The following GAL variants were observed in gnomAD, a reference collection of about 807,000 sequenced individuals.
The protein encoded by GAL is galanin peptides.
In GAL, 14 loss-of-function variants were observed where a neutral mutation model predicts 15.8. The observed-to-expected ratio is 0.89, with a 90% CI of 0.59 to 1.39. The LOEUF (loss-of-function observed/expected upper bound fraction) is 1.39, where lower values mean the gene tolerates loss of function less well. Among genes scored for constraint, GAL ranks in the 40% most tolerant of loss-of-function variants. The pLI, the probability that GAL is intolerant of heterozygous loss-of-function variation, is 0.00. For missense variants in GAL, 176 were observed against 170.4 expected (o/e 1.03, Z -0.18); for synonymous variants, 79 against 73.8 (o/e 1.07, Z -0.36).
chr11:68,685,653 G>T lies in GAL; in HGVS notation c.136+5G>T. 1 of 1,607,710 alleles carries T rather than the reference G, an allele frequency of 6.2e-7. No homozygotes were observed. Among genetic ancestry groups the T allele is most frequent in the Non-Finnish European group, 8.5e-7 (1 of 1,174,292 alleles). On this transcript the variant is annotated splice_donor_5th_base_variant and intron_variant, in intron 3 of 5. Coordinates refer to ENST00000265643, the MANE Select transcript of GAL (RefSeq NM_015973.5). ...CGGGCTACCTGCTGGGCCCACGTAAGTGACTGACAGCATGGCCTCCCCACT... is the reference window on the plus strand; with the variant it reads ...CGGGCTACCTGCTGGGCCCACGTAATTGACTGACAGCATGGCCTCCCCACT...
rs544499214 is a variant in GAL, at chr11:68,690,644, T to G, written c.302-273T>G. ...TTTTGTAACATGGAAACTCTTTCCTTAGGATATACCAGCTCTCATTACTCA... is the reference window on the plus strand; with the variant it reads ...TTTTGTAACATGGAAACTCTTTCCTGAGGATATACCAGCTCTCATTACTCA... On this transcript the variant is annotated intron_variant, in intron 5 of 5. Transcript: ENST00000265643. Among the ~76,000 whole-genome samples, 57 of 152,204 alleles carry G rather than the reference T, an allele frequency of 3.7e-4. 1 individual carries two copies. Among genetic ancestry groups the G allele is most frequent in the Non-Finnish European group, 7.1e-4 (48 of 68,036 alleles).
chr11:68,690,843 C>A, intron 5 of GAL, 74 bp from the exon 6 acceptor site: 1 of 946,856 alleles, frequency 1.1e-6, no homozygotes, highest in Non-Finnish European at 1.7e-6. Flanking sequence ...CTTCCTGTAG[C>A]ATGTGTCGTG....
At position 68,684,601 on chromosome 11, in the gene GAL, G is replaced by T. The variant is rs2153989706; in HGVS notation, c.-132G>T. On this transcript the variant is annotated 5_prime_UTR_variant, in exon 1 of 6. Coordinates refer to ENST00000265643, the MANE Select transcript of GAL (RefSeq NM_015973.5). ...CCCGCGCCTTCTGCCCCTGCTGCCGGCCGCGCCATGCGGTGAGCGCCCCAG... is the reference window on the plus strand; with the variant it reads ...CCCGCGCCTTCTGCCCCTGCTGCCGTCCGCGCCATGCGGTGAGCGCCCCAG... 1 of 242,290 alleles carries T rather than the reference G, an allele frequency of 4.1e-6. No homozygotes were observed. Among genetic ancestry groups the T allele is most frequent in the Non-Finnish European group, 7.9e-6 (1 of 126,570 alleles). The allele number at this position is 242,290 out of a possible 1,614,324, so 15.0% of individuals were successfully genotyped here.
chr11:68,689,076 CAG>C (rs1214385282), intron 5 of GAL, 150 bp downstream of exon 5: 1 of 620,068 alleles, frequency 1.6e-6, no homozygotes, highest in African/African-American at 1.8e-5. Flanking sequence ...GTCGGGATAA[CAG>C]AGAATGTAAC....
chr11:68,688,600 GC>G (rs1945876424), intron 4 of GAL, among the ~76,000 whole-genome samples: 1 of 152,178 alleles, frequency 6.6e-6, no homozygotes, highest in South Asian at 2.1e-4. Flanking sequence ...CTGCATTCCA[GC>G]CTAGGCAACA....
At position 68,684,576 on chromosome 11, in the gene GAL, C is replaced by G. The variant is rs1327097387; in HGVS notation, c.-157C>G. 1 of 199,254 alleles carries G rather than the reference C, an allele frequency of 5.0e-6. No individual in the cohort carries two copies. The highest frequency in any genetic ancestry group is 1.0e-5 in the Non-Finnish European group (1 of 99,172). The allele number at this position is 199,254 out of a possible 1,614,324, so 12.3% of individuals were successfully genotyped here. On this transcript the variant is annotated 5_prime_UTR_variant, in exon 1 of 6. Coordinates refer to ENST00000265643, the MANE Select transcript of GAL (RefSeq NM_015973.5). ...GCGGCGGACACGTGGAGGGACCCGGCCCGCGCCTTCTGCCCCTGCTGCCGG... is the reference window on the plus strand; with the variant it reads ...GCGGCGGACACGTGGAGGGACCCGGGCCGCGCCTTCTGCCCCTGCTGCCGG...
In GAL at chr11:68,684,574, G is replaced by T; in HGVS notation, c.-159G>T. 1 of 195,752 alleles carries T rather than the reference G, an allele frequency of 5.1e-6. No homozygotes were observed. The highest frequency in any genetic ancestry group is 1.2e-4 in the East Asian group (1 of 8,532). 12.1% of individuals were successfully genotyped at this position (195,752 alleles called of 1,614,324 possible). A position where few individuals can be genotyped will look rare whatever the true frequency, so the allele number is the denominator to read the frequency against. On this transcript the variant is annotated 5_prime_UTR_variant, in exon 1 of 6. Transcript: ENST00000265643. ...GGGCGGCGGACACGTGGAGGGACCCGGCCCGCGCCTTCTGCCCCTGCTGCC... is the reference window on the plus strand; with the variant it reads ...GGGCGGCGGACACGTGGAGGGACCCTGCCCGCGCCTTCTGCCCCTGCTGCC...
At chr11:68,684,903 C>G in intron 1 of GAL, 21 bp from the exon 2 acceptor site, 1 of 1,542,200 alleles carries the variant, frequency 6.5e-7, no homozygotes, top group Non-Finnish European at 8.9e-7. Flanking sequence ...CCGACCCGCC[C>G]GCCCTGTCCT....
intron 4 of GAL, among the ~76,000 whole-genome samples, chr11:68,688,495 G>A (rs1413165006): frequency 6.6e-6 from 1 of 152,228 alleles, no homozygotes; most frequent in African/African-American, 2.4e-5. Flanking sequence ...CAGGCGTGGT[G>A]GTGGGTGCCT....
chr11:68,690,808 C>G, intron 5 of GAL, 109 bp from the exon 6 acceptor site: 1 of 751,002 alleles, frequency 1.3e-6, no homozygotes, highest in Non-Finnish European at 2.4e-6. Context: ...TGGTAAGAAT[C>G]TTTACAGAGG....
intron 3 of GAL, among the ~76,000 whole-genome samples, chr11:68,686,240 G>A (rs1043079487): frequency 2.0e-5 from 3 of 151,862 alleles, no homozygotes; most frequent in South Asian, 2.1e-4. Flanking sequence ...ACACCTCCCC[G>A]TGTCCGCCCC....
At position 68,688,865 on chromosome 11, in the gene GAL, C is replaced by T; in HGVS notation, c.240C>T (p.Ser80=). ...CTCTTCTAGGAAGCTTTGACAGGTC[C>T]ATACCTGAAAACAATATCATGCGCA... ...DDMKPGSFDR[S]IPENNIMRTI... Residue 80 remains serine (S), a synonymous_variant, in exon 5 of 6, where the codon TCC becomes TCT. Coordinates refer to ENST00000265643, the MANE Select transcript of GAL (RefSeq NM_015973.5). 6.4e-7 allele frequency: 1 copy of T among 1,555,158 alleles called. No individual in the cohort carries two copies. Among genetic ancestry groups the T allele is most frequent in the Non-Finnish European group, 8.9e-7 (1 of 1,126,376 alleles).
At chr11:68,688,239 C>A in intron 4 of GAL, 139 bp downstream of exon 4, 1 of 634,124 alleles carries the variant, frequency 1.6e-6, no homozygotes, top group South Asian at 1.9e-5. Flanking sequence ...GACGATGTGG[C>A]CTCGCCACAC....
Position 68,685,003 on chromosome 11 carries a change from C to G in GAL, c.80C>G (p.Pro27Arg), listed in dbSNP as rs774699437. 5 of 1,588,470 alleles carry G rather than the reference C, an allele frequency of 3.1e-6. No individual in the cohort carries two copies. Among genetic ancestry groups the G allele is most frequent in the East Asian group, 2.3e-5 (1 of 43,918 alleles). Residue 27 changes from proline to arginine, a missense_variant and splice_region_variant, in exon 2 of 6, where the codon CCG (proline) becomes CGG (arginine). By Grantham distance (103) the Pro-to-Arg change is moderately radical (BLOSUM62 -2). Transcript: ENST00000265643. ...ALSASAGLWS[P>R]AKEKRGWTLN... ...TCTGCCTCTGCGGGGCTCTGGTCGC[C>G]GGTAAGTGCGGGGCGCGTCTCCTCC... is the stretch of plus-strand genomic sequence containing the variant.
Position 68,688,815 on chromosome 11 carries a change from C to T in GAL, c.224-34C>T, listed in dbSNP as rs764383028. On this transcript the variant is annotated intron_variant, in intron 4 of 5. Transcript: ENST00000265643. ...ACCTGAGACACTGAAGCACCCTCTGCACAAGTCGTGAATGTTGATCTTTTC... is the reference window on the plus strand; with the variant it reads ...ACCTGAGACACTGAAGCACCCTCTGTACAAGTCGTGAATGTTGATCTTTTC... The T allele has an allele frequency of 8.4e-6, 9 of 1,075,120 alleles. No individual in the cohort carries two copies. In the East Asian group the frequency reaches 2.1e-4, roughly 25 times the overall value. The allele number at this position is 1,075,120 out of a possible 1,614,324, so 66.6% of individuals were successfully genotyped here.
Position 68,684,989 on chromosome 11 carries a change from G to T in GAL, c.66G>T (p.Ala22=). The T allele has an allele frequency of 6.2e-7, 1 of 1,602,086 alleles. No homozygotes were observed. Among genetic ancestry groups the T allele is most frequent in the East Asian group, 2.2e-5 (1 of 44,478 alleles). The change falls in exon 2 of 6, where the codon GCG becomes GCT. Residue 22 remains alanine (A), a synonymous_variant. Transcript: ENST00000265643. ...TCGCCGCGGCCCTTTCTGCCTCTGC[G>T]GGGCTCTGGTCGCCGGTAAGTGCGG... The part of the protein sequence containing the change: ...LLLAAALSAS[A]GLWSPAKEKR...
At position 68,684,895 on chromosome 11, in the gene GAL, G is replaced by C. The variant is rs1449878925; in HGVS notation, c.1-29G>C. The C allele has an allele frequency of 2.0e-6, 3 of 1,496,964 alleles. No homozygotes were observed. The South Asian group carries it at 3.5e-5, about 17-fold the overall frequency. 92.7% of individuals were successfully genotyped at this position (1,496,964 alleles called of 1,614,324 possible). On this transcript the variant is annotated intron_variant, in intron 1 of 5. Transcript: ENST00000265643. ...CGGGGCGCAGCCCACTCCGGGTTCCGACCCGCCCGCCCTGTCCTTCCCTTC... is the reference window on the plus strand; with the variant it reads ...CGGGGCGCAGCCCACTCCGGGTTCCCACCCGCCCGCCCTGTCCTTCCCTTC...
intron 4 of GAL, 44 bp downstream of exon 4, chr11:68,688,144 C>T (rs769841469): frequency 8.4e-7 from 1 of 1,187,066 alleles, no homozygotes; most frequent in Non-Finnish European, 1.3e-6. Flanking sequence ...CTCACTTCCA[C>T]CAGCTCCCAG....
chr11:68,685,709 C>T, intron 3 of GAL, 61 bp downstream of exon 3: 1 of 1,213,654 alleles, frequency 8.2e-7, no homozygotes, highest in South Asian at 1.2e-5. Flanking sequence ...GCTTTGAACC[C>T]TGGCTCCTGC....
Sources: allele counts gnomAD v4.1 joint callset (sites outside exome capture counted in the v4.1 genomes callset), GRCh38; gene constraint gnomAD v4.1.1; transcripts MANE v1.5; gene names NCBI Gene and HGNC (gene_info 2026-07-23, HGNC 2026-07-21).